SCIN: variants seen among roughly 807,000 people sequenced by gnomAD.
SCIN encodes the protein scinderin.
SCIN carries 91 observed loss-of-function variants against 91.8 expected under a neutral mutation model. That is an observed-to-expected ratio of 0.99 (90% CI 0.84 to 1.18). SCIN has a LOEUF of 1.18. Among genes scored for constraint, SCIN ranks in the 50% most tolerant of loss-of-function variants. The pLI, the probability that SCIN is intolerant of heterozygous loss-of-function variation, is 0.00. For missense variants in SCIN, 1,087 were observed against 863.9 expected (o/e 1.26, Z -3.24); for synonymous variants, 367 against 312.6 (o/e 1.17, Z -1.84).
Position 12,579,059 on chromosome 7 carries a change from G to A in SCIN, c.354+841G>A, listed in dbSNP as rs78906547. Among the ~76,000 whole-genome samples, 504 of 151,596 alleles carry A rather than the reference G, an allele frequency of 3.3e-3. 2 individuals are homozygous for A. The highest frequency in any genetic ancestry group is 0.011 in the African/African-American group (463 of 41,220). On this transcript the variant is annotated intron_variant, in intron 2 of 15. Transcript: ENST00000297029. The stretch of plus-strand genomic sequence containing the variant: ...ATCACAGATTTCCGAAATCAAACAC[G>A]CTCCAGCAAGTGTTCTGCACACCCC...
rs189727838 is a variant in SCIN at position 12,587,647 on chromosome 7, G to A, written c.516+6426G>A. 2.3e-4 allele frequency among the ~76,000 whole-genome samples: 35 copies of A among 152,226 alleles called. No homozygotes were observed. In the East Asian group the frequency reaches 3.7e-3, roughly 16 times the overall value. ...AATTGTGGGACACGGTATCCTCATC[G>A]TACCAGTGCCCCTTGGCCCAGTGGC... On this transcript the variant is annotated intron_variant, in intron 3 of 15. Coordinates refer to ENST00000297029, the MANE Select transcript of SCIN (RefSeq NM_001112706.3).
At chr7:12,580,968 C>A in intron 2 of SCIN, 92 bp from the exon 3 acceptor site, 1 of 1,314,598 alleles carries the variant, frequency 7.6e-7, no homozygotes, top group Non-Finnish European at 1.0e-6. Flanking sequence ...GGCACAAACA[C>A]CAGCAGTATT....
rs546577779 is a variant in SCIN, at chr7:12,658,458, A to C, written c.*5743A>C. 3 of 152,218 alleles carry C rather than the reference A, an allele frequency of 2.0e-5. No individual in the cohort carries two copies. The highest frequency in any genetic ancestry group is 4.4e-5 in the Non-Finnish European group (3 of 68,042). The allele number at this position is 152,218 out of a possible 1,614,324, so 9.4% of individuals were successfully genotyped here. Reference sequence around the variant, plus strand: ...CTCCTAATGCATTCCCTTTCCAACGAACCTGAGCCTGGATTCTTCAGTAAC... The same window carrying C: ...CTCCTAATGCATTCCCTTTCCAACGCACCTGAGCCTGGATTCTTCAGTAAC... On this transcript the variant is annotated 3_prime_UTR_variant, in exon 16 of 16. Coordinates refer to ENST00000297029, the MANE Select transcript of SCIN (RefSeq NM_001112706.3).
Position 12,636,061 on chromosome 7 carries a change from A to C in SCIN, c.1336A>C (p.Thr446Pro). Residue 446 changes from threonine (T) to proline (P), a missense_variant, in exon 10 of 16, where the codon ACA (threonine) becomes CCA (proline). Transcript: ENST00000297029. The part of the protein sequence containing the change: ...IIYTWQGANA[T>P]RDELTTSAFL... ...TTCCTCTAGGCAAGGAGCAAATGCCACACGAGATGAGCTGACAACATCTGC... is the reference window on the plus strand; with the variant it reads ...TTCCTCTAGGCAAGGAGCAAATGCCCCACGAGATGAGCTGACAACATCTGC... 1 of 1,612,782 alleles carries C rather than the reference A, an allele frequency of 6.2e-7. No homozygotes were observed. The highest frequency in any genetic ancestry group is 1.3e-5 in the African/African-American group (1 of 74,986).
intron 3 of SCIN, among the ~76,000 whole-genome samples, chr7:12,587,457 C>T (rs139312262): frequency 2.1e-3 from 322 of 152,318 alleles, no homozygotes; most frequent in Admixed American, 4.6e-3. Flanking sequence ...CTTGAGCTTT[C>T]GGCTTTGGCC....
chr7:12,589,268 G>T (rs1247561728), intron 3 of SCIN, among the ~76,000 whole-genome samples: 1 of 149,292 alleles, frequency 6.7e-6, no homozygotes, highest in Non-Finnish European at 1.5e-5. Context: ...CCAGGCTGGA[G>T]TGCAGTGGCA....
intron 3 of SCIN, among the ~76,000 whole-genome samples, chr7:12,591,673 A>G (rs1042720731): frequency 6.6e-6 from 1 of 152,100 alleles, no homozygotes; most frequent in East Asian, 1.9e-4. Flanking sequence ...TGGCCACTTC[A>G]TAGAGGGGAT....
At chr7:12,584,651 T>G (rs1259179715) in intron 3 of SCIN, among the ~76,000 whole-genome samples, 1 of 152,196 alleles carries the variant, frequency 6.6e-6, no homozygotes, top group East Asian at 1.9e-4. Context: ...GTTAGCTTAT[T>G]TTTAGACAAT....
chr7:12,656,450 A>T lies in SCIN; in HGVS notation c.*3735A>T, dbSNP rs1784163933. On this transcript the variant is annotated 3_prime_UTR_variant, in exon 16 of 16. Transcript: ENST00000297029. ...ATTTTAAACCTAATTTATTTATTTT[A>T]AACATTTATTTTAAACCTAATTCAT... 6.6e-6 allele frequency: 1 copy of T among 152,182 alleles called. No homozygotes were observed. The highest frequency in any genetic ancestry group is 6.5e-5 in the Admixed American group (1 of 15,280). The allele number at this position is 152,182 out of a possible 1,614,324, so 9.4% of individuals were successfully genotyped here.
At chr7:12,588,952 G>A (rs76236833) in intron 3 of SCIN, 5 of 152,924 alleles carry the variant, frequency 3.3e-5, no homozygotes, top group East Asian at 3.8e-4. Flanking sequence ...GCGATGGTTG[G>A]GGGGAGAGGC....
rs377239353 is a variant in SCIN, at chr7:12,644,173, T to C, written c.1617T>C (p.Asp539=). ...ATGCAAATTCACTGAATTCTAACGA[T>C]GTTTTTGTCCTGAAACTGCCACAAA... ...DVDANSLNSN[D]VFVLKLPQNS... Residue 539 remains aspartate (D), a synonymous_variant, in exon 12 of 16, where the codon GAT becomes GAC. Transcript: ENST00000297029. 5.0e-6 allele frequency: 8 copies of C among 1,613,034 alleles called. No individual in the cohort carries two copies. The highest frequency in any genetic ancestry group is 1.3e-5 in the African/African-American group (1 of 74,900).
At chr7:12,574,715 G>C (rs868300012) in intron 1 of SCIN, among the ~76,000 whole-genome samples, 1 of 152,174 alleles carries the variant, frequency 6.6e-6, no homozygotes, top group African/African-American at 2.4e-5. Context: ...TCCTTCAATA[G>C]TACCAATCTG....
In SCIN at chr7:12,652,644, A is replaced by C. The variant is rs1784105920; in HGVS notation, c.2077A>C (p.Ile693Leu). ...AAGAGACAAGAGGACACCAATTGTC[A>C]TCATAAAACAGGGCCATGAGCCACC... ...SGRDKRTPIV[I>L]IKQGHEPPTF... The change falls in exon 16 of 16, where the codon ATC (isoleucine) becomes CTC (leucine). Residue 693 changes from isoleucine to leucine, a missense_variant. Transcript: ENST00000297029. 7 of 1,611,758 alleles carry C rather than the reference A, an allele frequency of 4.3e-6. No individual in the cohort carries two copies. The East Asian group carries it at 1.6e-4, about 36-fold the overall frequency.
At chr7:12,647,752 A>C (rs34982781) in intron 13 of SCIN, among the ~76,000 whole-genome samples, 8,555 of 152,280 alleles carry the variant, frequency 0.056, 335 homozygotes, top group Non-Finnish European at 0.087. Context: ...TGTTTTGTTT[A>C]TTTTGTATAA....
intron 3 of SCIN, among the ~76,000 whole-genome samples, chr7:12,599,598 T>C (rs936552639): frequency 6.6e-5 from 10 of 152,200 alleles, no homozygotes; most frequent in African/African-American, 2.4e-4. Flanking sequence ...ATCTCCACAC[T>C]GTTTTCCATA....
At chr7:12,604,772 A>G (rs1212854662) in intron 4 of SCIN, 109 bp downstream of exon 4, 1 of 893,372 alleles carries the variant, frequency 1.1e-6, no homozygotes, top group African/African-American at 1.7e-5. Context: ...GGGGAAAGAG[A>G]TTCAACACAT....
At chr7:12,649,763 C>G (rs1784042259) in intron 14 of SCIN, among the ~76,000 whole-genome samples, 1 of 152,144 alleles carries the variant, frequency 6.6e-6, no homozygotes, top group Non-Finnish European at 1.5e-5. Context: ...TTTGGCTTTA[C>G]AGTTGTAGGC....
rs2115307645 is a variant in SCIN, at chr7:12,653,692, A to C, written c.*977A>C. ...TGTTTAATATCACAGGAGATCAAAAAGACAATGCACAGGGGAGTATCCCAG... is the reference window on the plus strand; with the variant it reads ...TGTTTAATATCACAGGAGATCAAAACGACAATGCACAGGGGAGTATCCCAG... On this transcript the variant is annotated 3_prime_UTR_variant, in exon 16 of 16. Coordinates refer to ENST00000297029, the MANE Select transcript of SCIN (RefSeq NM_001112706.3). The surrounding 1 kb of genome is among the most constrained non-coding windows in gnomAD (Gnocchi z 4.1). 6.6e-6 allele frequency: 1 copy of C among 152,332 alleles called. No homozygotes were observed. The highest frequency in any genetic ancestry group is 1.5e-5 in the Non-Finnish European group (1 of 68,020). 9.4% of individuals were successfully genotyped at this position (152,332 alleles called of 1,614,324 possible).
chr7:12,597,392 A>G (rs1764484137), intron 3 of SCIN, among the ~76,000 whole-genome samples: 1 of 152,214 alleles, frequency 6.6e-6, no homozygotes, highest in South Asian at 2.1e-4. Context: ...ATCAGATTTT[A>G]GATGTATTTA....
Sources: gnomAD v4.1 joint callset for allele counts (sites outside exome capture counted in the v4.1 genomes callset) on GRCh38, gnomAD v4.1.1 for gene constraint, Gnocchi (gnomAD v3.1) non-coding constraint, MANE v1.5 for transcripts, NCBI Gene and HGNC (gene_info 2026-07-23, HGNC 2026-07-21) for gene names.